The following ZNF385D variants were observed in gnomAD, a reference collection of about 807,000 sequenced individuals.
ZNF385D encodes zinc finger protein 385D, also known as zinc finger protein 659.
In ZNF385D, 15 loss-of-function variants were observed where a neutral mutation model predicts 35.8. The ratio of observed to expected loss-of-function variants is 0.42; its 90% CI spans 0.28 to 0.64. ZNF385D has a LOEUF of 0.64. ZNF385D is among the 30% of genes least tolerant of loss of function. The pLI is 0.23. For synonymous variants in ZNF385D, 212 were observed against 186.8 expected, an observed-to-expected ratio of 1.13 and a Z score of -1.10; for missense variants, 474 against 494.6, an observed-to-expected ratio of 0.96 and a Z score of 0.39.
chr3:22,287,126 T>C (rs1702065114), intron 2 of ZNF385D, among the ~76,000 whole-genome samples: 1 of 152,062 alleles, frequency 6.6e-6, no homozygotes, highest in Admixed American at 6.6e-5. Flanking sequence ...TATTATATAA[T>C]GGCCTTCTTT....
chr3:21,833,792 T>A (rs1383897142), intron 3 of ZNF385D, among the ~76,000 whole-genome samples: 1 of 152,154 alleles, frequency 6.6e-6, no homozygotes, highest in African/African-American at 2.4e-5. Context: ...ATTTTATTCA[T>A]CTGTAAAATG....
intron 2 of ZNF385D, among the ~76,000 whole-genome samples, chr3:21,617,648 G>A (rs867971707): frequency 6.6e-6 from 1 of 152,236 alleles, no homozygotes; most frequent in Non-Finnish European, 1.5e-5. Flanking sequence ...ATTGAAACGC[G>A]GATTCAGTTC....
chr3:22,225,561 C>T lies in ZNF385D; in HGVS notation c.107-56526G>A, dbSNP rs940041349. On this transcript the variant is annotated intron_variant, in intron 2 of 5. Transcript: ENST00000494108. ...GGGAGGTAACACTGAAGTATGTATT[C>T]TACACTGGCTCCCAGAGTTTCTTCA... is the stretch of plus-strand genomic sequence containing the variant. Among the ~76,000 whole-genome samples, 5 of 152,244 alleles carry T rather than the reference C, an allele frequency of 3.3e-5. No individual in the cohort carries two copies. The East Asian group carries it at 9.7e-4, about 29-fold the overall frequency.
chr3:22,262,102 T>G (rs1181545566), intron 2 of ZNF385D, among the ~76,000 whole-genome samples: 1 of 152,028 alleles, frequency 6.6e-6, no homozygotes, highest in African/African-American at 2.4e-5. Flanking sequence ...GCTTTTTTGG[T>G]GTTTTCAAAT....
intron 1 of ZNF385D, among the ~76,000 whole-genome samples, chr3:21,684,550 G>C (rs1174950271): frequency 1.3e-5 from 2 of 150,444 alleles, no homozygotes; most frequent in African/African-American, 2.5e-5. Context: ...ATTCATAAAA[G>C]TTCAAAAAAT....
At chr3:21,680,102 T>C (rs1310655031) in intron 1 of ZNF385D, among the ~76,000 whole-genome samples, 16 of 152,090 alleles carry the variant, frequency 1.1e-4, no homozygotes, top group Admixed American at 1.0e-3. Flanking sequence ...CTTCCTCCCT[T>C]TTCAGCTTGT....
chr3:21,762,327 T>A (rs1245003274), intron 3 of ZNF385D, among the ~76,000 whole-genome samples: 1 of 152,290 alleles, frequency 6.6e-6, no homozygotes, highest in African/African-American at 2.4e-5. Context: ...CATCTACCAA[T>A]ACCATTTCTC....
intron 2 of ZNF385D, among the ~76,000 whole-genome samples, chr3:21,580,866 C>T (rs17009069): frequency 0.014 from 2,092 of 151,542 alleles, 48 homozygotes; most frequent in African/African-American, 0.048. Context: ...CCATATTTAC[C>T]CACCAATTCC....
chr3:21,943,078 A>T (rs1245594657), intron 3 of ZNF385D, among the ~76,000 whole-genome samples: 1 of 152,170 alleles, frequency 6.6e-6, no homozygotes, highest in Non-Finnish European at 1.5e-5. Context: ...AAGCCAAAAA[A>T]GGTCTTAACT....
Position 21,551,865 on chromosome 3 carries a change from A to G in ZNF385D, c.276+12709T>C, listed in dbSNP as rs75671450. Among the ~76,000 whole-genome samples, 938 of 152,320 alleles carry G rather than the reference A, an allele frequency of 6.2e-3. 6 individuals carry two copies. Among genetic ancestry groups the G allele is most frequent in the Non-Finnish European group, 0.01 (696 of 68,012 alleles). On this transcript the variant is annotated intron_variant, in intron 3 of 7. Coordinates refer to ENST00000281523, the MANE Select transcript of ZNF385D (RefSeq NM_024697.3). ...AAAAATAAACTGTACTATAAAGGAA[A>G]CAGTTATGGCAAAATACCAAATGAC...
chr3:21,859,873 C>A (rs1275370958), intron 3 of ZNF385D, among the ~76,000 whole-genome samples: 1 of 152,052 alleles, frequency 6.6e-6, no homozygotes, highest in African/African-American at 2.4e-5. Flanking sequence ...CTCAGATCTT[C>A]CCGAAGATTC....
chr3:22,032,220 C>T (rs1490152492), intron 3 of ZNF385D, among the ~76,000 whole-genome samples: 1 of 152,216 alleles, frequency 6.6e-6, no homozygotes, highest in Non-Finnish European at 1.5e-5. Context: ...CTGTTTCAAC[C>T]TCTGCCAGTT....
At position 21,931,957 on chromosome 3, in the gene ZNF385D, C is replaced by T. The variant is rs1421202122; in HGVS notation, c.325+236860G>A. ...TAGGCAGATCACGAGGTCATGAGATCAAGATCGAGACCATCCTGGCTAACA... is the reference window on the plus strand; with the variant it reads ...TAGGCAGATCACGAGGTCATGAGATTAAGATCGAGACCATCCTGGCTAACA... On this transcript the variant is annotated intron_variant, in intron 3 of 5. Transcript: ENST00000494108. Among the ~76,000 whole-genome samples, 6 of 151,580 alleles carry T rather than the reference C, an allele frequency of 4.0e-5. No homozygotes were observed. In the South Asian group the frequency reaches 1.2e-3, roughly 32 times the overall value.
chr3:21,467,333 G>A (rs1471534127), intron 4 of ZNF385D, among the ~76,000 whole-genome samples: 4 of 152,100 alleles, frequency 2.6e-5, no homozygotes, highest in Non-Finnish European at 5.9e-5. Context: ...TTTAGATACG[G>A]GGCTTCTTTG....
chr3:22,037,212 T>C (rs1698382248), intron 3 of ZNF385D, among the ~76,000 whole-genome samples: 1 of 149,250 alleles, frequency 6.7e-6, no homozygotes, highest in African/African-American at 2.5e-5. Context: ...TTTATAATCC[T>C]TTGGGTATAT....
chr3:22,241,415 T>C (rs1045841244), intron 2 of ZNF385D, among the ~76,000 whole-genome samples: 12 of 151,310 alleles, frequency 7.9e-5, no homozygotes, highest in African/African-American at 2.7e-4. Context: ...AGTCTCTCTG[T>C]TCACCTTTAC....
chr3:21,926,934 G>C (rs1418564099), intron 3 of ZNF385D, among the ~76,000 whole-genome samples: 1 of 152,124 alleles, frequency 6.6e-6, no homozygotes, highest in Non-Finnish European at 1.5e-5. Context: ...AATCTACAAA[G>C]AACTGTCCTC....
rs561981779 is a variant in ZNF385D at position 22,071,093 on chromosome 3, T to C, written c.325+97724A>G. ...GAAAGGTAACATGATATTTATGACA[T>C]AGCTCAGTCCTGGATACAGAATGCT... is the stretch of plus-strand genomic sequence containing the variant. On this transcript the variant is annotated intron_variant, in intron 3 of 5. Coordinates refer to the ZNF385D transcript ENST00000494108. Among the ~76,000 whole-genome samples the C allele has an allele frequency of 1.5e-4, 23 of 152,296 alleles. No homozygotes were observed. The South Asian group carries it at 3.3e-3, about 22-fold the overall frequency.
intron 3 of ZNF385D, among the ~76,000 whole-genome samples, chr3:21,814,235 C>G (rs1000822835): frequency 1.8e-4 from 27 of 152,198 alleles, no homozygotes; most frequent in African/African-American, 6.5e-4. Context: ...GTACCAGCCA[C>G]TGCAAAAATA....
Sources: allele counts gnomAD v4.1 joint callset (sites outside exome capture counted in the v4.1 genomes callset), GRCh38; gene constraint gnomAD v4.1.1; transcripts MANE v1.5; gene names NCBI Gene and HGNC (gene_info 2026-07-23, HGNC 2026-07-21).